DENND4A: variants seen among roughly 807,000 people sequenced by gnomAD.
The protein encoded by DENND4A is C-myc promoter-binding protein.
A neutral mutation model predicts 199.3 loss-of-function variants in DENND4A; 70 were observed. That is an observed-to-expected ratio of 0.35 (90% CI 0.29 to 0.43). DENND4A has a LOEUF of 0.43. Among genes scored for constraint, DENND4A ranks in the 20% least tolerant of loss-of-function variants. The probability of loss-of-function intolerance (pLI) is 1.00; values close to 1 mark genes in which losing one functional copy is unlikely to be tolerated. For missense variants in DENND4A, 1,723 were observed against 2,255.8 expected (o/e 0.76, Z 4.78); for synonymous variants, 686 against 766.9 (o/e 0.89, Z 1.74).
chr15:65,741,882 T>C (rs931151471), intron 4 of DENND4A, 98 bp from the exon 5 acceptor site: 6 of 823,446 alleles, frequency 7.3e-6, no homozygotes, highest in East Asian at 5.9e-5. Flanking sequence ...TTATCTAATA[T>C]GTAGTAACAA....
chr15:65,679,690 C>T (rs544003948), intron 23 of DENND4A, among the ~76,000 whole-genome samples: 16 of 151,994 alleles, frequency 1.1e-4, no homozygotes, highest in Admixed American at 1.0e-3. Flanking sequence ...ACCACCACAC[C>T]TGGCTAATTT....
intron 1 of DENND4A, among the ~76,000 whole-genome samples, chr15:65,779,188 G>A (rs1425013247): frequency 6.6e-6 from 1 of 152,132 alleles, no homozygotes; most frequent in Non-Finnish European, 1.5e-5. Flanking sequence ...AGGCGCAGTG[G>A]CTCACACCTG....
intron 12 of DENND4A, 105 bp downstream of exon 12, chr15:65,722,743 A>G (rs1446628463): frequency 1.1e-5 from 10 of 879,296 alleles, no homozygotes; most frequent in Non-Finnish European, 1.6e-5. Flanking sequence ...AAAATGGTAA[A>G]ACCGCTTTCT....
intron 23 of DENND4A, among the ~76,000 whole-genome samples, chr15:65,685,005 T>C (rs1351969798): frequency 6.6e-6 from 1 of 151,994 alleles, no homozygotes; most frequent in East Asian, 1.9e-4. Flanking sequence ...TTCGTATTTT[T>C]AGTAGAAACG....
intron 23 of DENND4A, among the ~76,000 whole-genome samples, chr15:65,687,246 C>T (rs973383761): frequency 2.0e-5 from 3 of 152,054 alleles, no homozygotes; most frequent in Non-Finnish European, 4.4e-5. Flanking sequence ...AGTTTTATAT[C>T]ATTTCATATT....
At position 65,671,615 on chromosome 15, in the gene DENND4A, C is replaced by T. The variant is rs192306079; in HGVS notation, c.4464+177G>A. ...ATATTGGCCAGGCTGGCCTCGAACCCCTGACCTCAGGTGATCCACCCATGT... is the reference window on the plus strand; with the variant it reads ...ATATTGGCCAGGCTGGCCTCGAACCTCTGACCTCAGGTGATCCACCCATGT... On this transcript the variant is annotated intron_variant, in intron 25 of 32. Transcript: ENST00000443035. Among the ~76,000 whole-genome samples, 900 of 152,288 alleles carry T rather than the reference C, an allele frequency of 5.9e-3. 9 individuals are homozygous for T. The highest frequency in any genetic ancestry group is 0.019 in the African/African-American group (802 of 41,550).
At chr15:65,741,937 T>C (rs568859709) in intron 4 of DENND4A, among the ~76,000 whole-genome samples, 153 bp from the exon 5 acceptor site, 43 of 152,188 alleles carry the variant, frequency 2.8e-4, no homozygotes, top group African/African-American at 1.0e-3. Context: ...TTGTCAATAT[T>C]TTATTGGAAT....
chr15:65,683,081 C>T (rs1242140549), intron 23 of DENND4A, among the ~76,000 whole-genome samples: 2 of 152,136 alleles, frequency 1.3e-5, no homozygotes, highest in African/African-American at 4.8e-5. Context: ...GAAGTAAGCA[C>T]ACGCTGTTGG....
At chr15:65,740,027 A>T (rs1304264903) in intron 5 of DENND4A, among the ~76,000 whole-genome samples, 1 of 152,068 alleles carries the variant, frequency 6.6e-6, no homozygotes, top group Non-Finnish European at 1.5e-5. Context: ...CTAAAATACA[A>T]GAAATTAGCC....
chr15:65,663,250 C>A (rs557102676), intron 32 of DENND4A, among the ~76,000 whole-genome samples: 2 of 136,410 alleles, frequency 1.5e-5, no homozygotes, highest in African/African-American at 5.7e-5. Context: ...ACTCTTGTTG[C>A]GCAGGCTGGA....
intron 2 of DENND4A, among the ~76,000 whole-genome samples, chr15:65,758,076 C>A (rs555735937): frequency 2.0e-5 from 3 of 152,180 alleles, no homozygotes; most frequent in East Asian, 3.9e-4. Context: ...TTTCCACAGA[C>A]AAAGCCCAGT....
chr15:65,710,885 A>G (rs1162240643), intron 14 of DENND4A, among the ~76,000 whole-genome samples: 1 of 152,112 alleles, frequency 6.6e-6, no homozygotes, highest in Non-Finnish European at 1.5e-5. Context: ...CTCTTGTTCC[A>G]GCTCTGGCCA....
chr15:65,740,549 A>C (rs2076232740), intron 5 of DENND4A, among the ~76,000 whole-genome samples: 1 of 151,440 alleles, frequency 6.6e-6, no homozygotes, highest in African/African-American at 2.4e-5. Flanking sequence ...GGACTGCTTG[A>C]GCCCAGGAGT....
chr15:65,771,719 G>A, intron 1 of DENND4A: 1 of 1,610,256 alleles, frequency 6.2e-7, no homozygotes, highest in East Asian at 2.2e-5. Context: ...CAAGTCTTCT[G>A]GAGTTATATC....
chr15:65,732,089 T>C (rs941311611), intron 8 of DENND4A, among the ~76,000 whole-genome samples: 2 of 152,112 alleles, frequency 1.3e-5, no homozygotes, highest in Non-Finnish European at 2.9e-5. Flanking sequence ...ATGCTCATTA[T>C]TTACATATTA....
chr15:65,742,853 C>T (rs115049146), intron 4 of DENND4A, among the ~76,000 whole-genome samples: 1,962 of 152,198 alleles, frequency 0.013, 43 homozygotes, highest in African/African-American at 0.044. Context: ...CACCACTGTA[C>T]TCCCAGAGGC....
intron 23 of DENND4A, among the ~76,000 whole-genome samples, chr15:65,687,145 G>C (rs1376408413): frequency 6.6e-6 from 1 of 151,952 alleles, no homozygotes; most frequent in Non-Finnish European, 1.5e-5. Context: ...TATTTTTATT[G>C]GCTTTTTGGC....
At chr15:65,784,010 G>A (rs1445760702) in intron 1 of DENND4A, among the ~76,000 whole-genome samples, 3 of 152,076 alleles carry the variant, frequency 2.0e-5, no homozygotes, top group South Asian at 2.1e-4. Context: ...CCTGGTGACC[G>A]AGGTTAACAA....
At chr15:65,703,133 TTGTC>T in intron 15 of DENND4A, 125 bp from the exon 16 acceptor site, 1 of 878,010 alleles carries the variant, frequency 1.1e-6, no homozygotes, top group Admixed American at 2.9e-5. Context: ...CTATCTTTCT[TTGTC>T]AGGCTGTGAT....
Sources: gnomAD v4.1 joint callset for allele counts (sites outside exome capture counted in the v4.1 genomes callset) on GRCh38, gnomAD v4.1.1 for gene constraint, MANE v1.5 for transcripts, NCBI Gene and HGNC (gene_info 2026-07-23, HGNC 2026-07-21) for gene names.